HPCAL1: variants seen among roughly 807,000 people sequenced by gnomAD.
HPCAL1 encodes hippocalcin like 1.
In HPCAL1, 8 loss-of-function variants were observed where a neutral mutation model predicts 17.1. That is an observed-to-expected ratio of 0.47 (90% CI 0.27 to 0.84). The LOEUF (loss-of-function observed/expected upper bound fraction) is 0.84. Among genes scored for constraint, HPCAL1 ranks in the 40% least tolerant of loss-of-function variants. The pLI is 0.13. For missense variants in HPCAL1, 165 were observed against 271.1 expected (o/e 0.61, Z 2.75); for synonymous variants, 112 against 111.4 (o/e 1.01, Z -0.03).
intron 2 of HPCAL1, among the ~76,000 whole-genome samples, chr2:10,397,585 C>A (rs1669136860): frequency 6.6e-6 from 1 of 152,198 alleles, no homozygotes; most frequent in African/African-American, 2.4e-5. Context: ...CTTGAATGCA[C>A]CACCCTGGCC....
intron 2 of HPCAL1, chr2:10,408,476 G>A (rs1281027501): frequency 6.6e-6 from 1 of 152,256 alleles, no homozygotes; most frequent in East Asian, 1.9e-4. Context: ...CTAGGTCAGT[G>A]GGTTGGGTTT....
intron 1 of HPCAL1, among the ~76,000 whole-genome samples, chr2:10,312,149 T>C (rs1473663531): frequency 1.3e-5 from 2 of 149,554 alleles, no homozygotes; most frequent in African/African-American, 4.9e-5. Flanking sequence ...TCCATCACCA[T>C]CATCATCATC....
chr2:10,401,327 A>G (rs1433779738), intron 2 of HPCAL1, among the ~76,000 whole-genome samples: 1 of 152,182 alleles, frequency 6.6e-6, no homozygotes, highest in African/African-American at 2.4e-5. Flanking sequence ...ATATTCTTGG[A>G]CTTCTCAGAC....
intron 2 of HPCAL1, among the ~76,000 whole-genome samples, chr2:10,417,047 G>C (rs985957355): frequency 3.9e-5 from 6 of 152,154 alleles, no homozygotes; most frequent in Non-Finnish European, 7.3e-5. Context: ...CAGGAGGAGA[G>C]AAGAATCCTC....
intron 1 of HPCAL1, among the ~76,000 whole-genome samples, chr2:10,389,107 C>A (rs1014664227): frequency 1.3e-5 from 2 of 152,148 alleles, no homozygotes; most frequent in African/African-American, 4.8e-5. Context: ...CTAAGACGTG[C>A]CCACCAGTGT....
At chr2:10,411,962 G>A (rs1452024644) in intron 2 of HPCAL1, among the ~76,000 whole-genome samples, 1 of 152,182 alleles carries the variant, frequency 6.6e-6, no homozygotes, top group Admixed American at 6.5e-5. Flanking sequence ...CCTCCCCCAA[G>A]CTTTGGAGAT....
chr2:10,386,980 A>G (rs1240123866), intron 1 of HPCAL1, among the ~76,000 whole-genome samples: 1 of 152,086 alleles, frequency 6.6e-6, no homozygotes, highest in African/African-American at 2.4e-5. Flanking sequence ...CCAGTGGGAG[A>G]AGCGGGGCTT....
At chr2:10,356,337 T>G (rs763927853) in intron 1 of HPCAL1, among the ~76,000 whole-genome samples, 1 of 152,096 alleles carries the variant, frequency 6.6e-6, no homozygotes, top group Admixed American at 6.5e-5. Context: ...GAGTTCATAG[T>G]GGAGACCCCT....
intron 1 of HPCAL1, among the ~76,000 whole-genome samples, chr2:10,381,023 G>A (rs1407861392): frequency 6.6e-6 from 1 of 152,210 alleles, no homozygotes; most frequent in African/African-American, 2.4e-5. Flanking sequence ...TGTGGGAACC[G>A]CTGGGGATCT....
chr2:10,395,928 G>C lies in HPCAL1; in HGVS notation c.-110-907G>C, dbSNP rs913838230. ...GTATAGAGCTGTCGGCCTCAACACT[G>C]TTAATACACATATGTACCAGAGGCT... On this transcript the variant is annotated intron_variant, in intron 1 of 4. Transcript: ENST00000307845. This position sits in a 1 kb window ranked among gnomAD's most constrained non-coding sequence, Gnocchi z 4.4. 6.6e-6 allele frequency among the ~76,000 whole-genome samples: 1 copy of C among 152,186 alleles called. No homozygotes were observed. The highest frequency in any genetic ancestry group is 1.5e-5 in the Non-Finnish European group (1 of 68,034).
In HPCAL1 at chr2:10,342,442, G is replaced by T. The variant is rs543995751; in HGVS notation, c.-111+39265G>T. Among the ~76,000 whole-genome samples the T allele has an allele frequency of 6.1e-5, 9 of 147,396 alleles. No individual in the cohort carries two copies. In the East Asian group the frequency reaches 1.8e-3, roughly 29 times the overall value. On this transcript the variant is annotated intron_variant, in intron 1 of 4. Coordinates refer to ENST00000307845, the MANE Select transcript of HPCAL1 (RefSeq NM_002149.4). The surrounding 1 kb of genome is among the most constrained non-coding windows in gnomAD (Gnocchi z 4.1). ...CATGTGCAGTCCGTGCCTCCAGCGC[G>T]CAGCCTGAAAGGGAGGCGTGCAGAA...
At chr2:10,338,288 A>G (rs1178086415) in intron 1 of HPCAL1, among the ~76,000 whole-genome samples, 1 of 152,086 alleles carries the variant, frequency 6.6e-6, no homozygotes, top group Non-Finnish European at 1.5e-5. Context: ...TGAATAATAA[A>G]CTGAAAATCA....
chr2:10,382,248 A>G (rs745310148), intron 1 of HPCAL1, among the ~76,000 whole-genome samples: 1 of 152,196 alleles, frequency 6.6e-6, no homozygotes, highest in Non-Finnish European at 1.5e-5. Flanking sequence ...CGATGGAGAT[A>G]ATAAACAGAT....
intron 1 of HPCAL1, among the ~76,000 whole-genome samples, chr2:10,358,728 G>T (rs1174218928): frequency 6.6e-6 from 1 of 152,132 alleles, no homozygotes; most frequent in Non-Finnish European, 1.5e-5. Flanking sequence ...TCGGAGAAGA[G>T]TCAGGAAAAC....
In HPCAL1 at chr2:10,398,635, G is replaced by A. The variant is rs553470903; in HGVS notation, c.-25+1715G>A. 3.9e-5 allele frequency among the ~76,000 whole-genome samples: 6 copies of A among 152,192 alleles called. No individual in the cohort carries two copies. The South Asian group carries it at 6.2e-4, about 16-fold the overall frequency. On this transcript the variant is annotated intron_variant, in intron 2 of 4. Coordinates refer to ENST00000307845, the MANE Select transcript of HPCAL1 (RefSeq NM_002149.4). ...TCCCGCTGGGCACCAACGCACGCACGTGGTGTTTCCAGGGCAAAGTGAGCT... is the reference window on the plus strand; with the variant it reads ...TCCCGCTGGGCACCAACGCACGCACATGGTGTTTCCAGGGCAAAGTGAGCT...
At chr2:10,311,212 T>G (rs1662941173) in intron 1 of HPCAL1, among the ~76,000 whole-genome samples, 1 of 152,100 alleles carries the variant, frequency 6.6e-6, no homozygotes, top group Admixed American at 6.5e-5. Context: ...TAGAAACTCT[T>G]CAGTCATGCA....
intron 1 of HPCAL1, among the ~76,000 whole-genome samples, chr2:10,328,093 G>C (rs1372136703): frequency 6.6e-6 from 1 of 152,228 alleles, no homozygotes; most frequent in East Asian, 1.9e-4. Context: ...ACAGCCAAGG[G>C]GGACAGTGGC....
At chr2:10,390,575 A>C (rs1253123634) in intron 1 of HPCAL1, among the ~76,000 whole-genome samples, 1 of 152,124 alleles carries the variant, frequency 6.6e-6, no homozygotes, top group Non-Finnish European at 1.5e-5. Context: ...ATATATTAAA[A>C]TAATTTGTCA....
chr2:10,325,145 T>C (rs748186285), intron 1 of HPCAL1, among the ~76,000 whole-genome samples: 8 of 151,920 alleles, frequency 5.3e-5, no homozygotes, highest in South Asian at 4.2e-4. Flanking sequence ...GTTGCTGTTT[T>C]AGTTGGTTTT....
Sources: gnomAD v4.1 joint callset for allele counts (sites outside exome capture counted in the v4.1 genomes callset) on GRCh38, gnomAD v4.1.1 for gene constraint, Gnocchi (gnomAD v3.1) non-coding constraint, MANE v1.5 for transcripts, NCBI Gene and HGNC (gene_info 2026-07-23, HGNC 2026-07-21) for gene names.